ADGRB3: variants seen among roughly 807,000 people sequenced by gnomAD.
ADGRB3 encodes adhesion G protein-coupled receptor B3, also known as brain-specific angiogenesis inhibitor 3.
ADGRB3 carries 37 observed loss-of-function variants against 193.4 expected under a neutral mutation model. That is an observed-to-expected ratio of 0.19 (90% CI 0.15 to 0.25). The LOEUF is 0.25. Ranked by LOEUF, ADGRB3 falls within the 10% of genes least tolerant of loss-of-function variation. The pLI is 1.00. For synonymous variants in ADGRB3, 690 were observed against 644.2 expected (o/e 1.07, Z -1.08); for missense variants, 1,637 against 1,852.9 (o/e 0.88, Z 2.14).
At chr6:69,002,815 A>G (rs16900411) in intron 11 of ADGRB3, among the ~76,000 whole-genome samples, 4,302 of 152,288 alleles carry the variant, frequency 0.028, 64 homozygotes, top group Non-Finnish European at 0.033. Flanking sequence ...TTGGAATTAC[A>G]GTACAACTCT....
chr6:69,085,804 T>C (rs1172196578), intron 17 of ADGRB3, among the ~76,000 whole-genome samples: 1 of 151,728 alleles, frequency 6.6e-6, no homozygotes, highest in Non-Finnish European at 1.5e-5. Context: ...TCTCCTAAAA[T>C]TCTTACTAAT....
At chr6:68,828,816 T>A (rs1767897376) in intron 3 of ADGRB3, among the ~76,000 whole-genome samples, 1 of 152,180 alleles carries the variant, frequency 6.6e-6, no homozygotes, top group Non-Finnish European at 1.5e-5. Context: ...GGGTTTTAAA[T>A]CATATAGACC....
intron 3 of ADGRB3, among the ~76,000 whole-genome samples, chr6:68,703,687 A>G (rs751433802): frequency 5.3e-4 from 80 of 152,238 alleles, no homozygotes; most frequent in Non-Finnish European, 9.7e-4. Context: ...CAGTGGCGCA[A>G]TCTCAGCTCA....
chr6:69,115,869 A>T (rs765859143), intron 17 of ADGRB3, among the ~76,000 whole-genome samples: 5 of 152,224 alleles, frequency 3.3e-5, no homozygotes, highest in Admixed American at 2.0e-4. Context: ...AAAGAAAATT[A>T]TACAAATGTT....
intron 3 of ADGRB3, among the ~76,000 whole-genome samples, chr6:68,814,339 G>C (rs1052864385): frequency 2.4e-4 from 36 of 152,200 alleles, no homozygotes; most frequent in African/African-American, 8.4e-4. Flanking sequence ...GTGTCTTTTG[G>C]CTGCATAAAT....
intron 17 of ADGRB3, among the ~76,000 whole-genome samples, chr6:69,077,171 C>A (rs1266251071): frequency 6.6e-6 from 1 of 152,014 alleles, no homozygotes; most frequent in East Asian, 1.9e-4. Flanking sequence ...GATAGCCTTA[C>A]TGATGTCATT....
chr6:68,655,279 AAAC>A (rs1459897723), intron 3 of ADGRB3, among the ~76,000 whole-genome samples: 2 of 151,540 alleles, frequency 1.3e-5, no homozygotes, highest in Non-Finnish European at 3.0e-5. Context: ...ACACTTCTCT[AAAC>A]ATCAGGGTTT....
intron 17 of ADGRB3, among the ~76,000 whole-genome samples, chr6:69,091,580 G>A (rs989535752): frequency 5.3e-5 from 8 of 152,150 alleles, no homozygotes; most frequent in African/African-American, 1.7e-4. Flanking sequence ...CTAAGTGGGA[G>A]CTAAAGGATT....
At chr6:69,141,129 G>T (rs546149730) in intron 17 of ADGRB3, among the ~76,000 whole-genome samples, 1,423 of 86,842 alleles carry the variant, frequency 0.016, 47 homozygotes, top group African/African-American at 0.044. Context: ...CTTTTTTTTT[G>T]GGGGGGGCGG....
At chr6:69,297,821 A>T (rs1767862714) in intron 20 of ADGRB3, among the ~76,000 whole-genome samples, 1 of 152,054 alleles carries the variant, frequency 6.6e-6, no homozygotes, top group South Asian at 2.1e-4. Flanking sequence ...TTTAAAATTG[A>T]TCTCTCTCCA....
At chr6:69,097,707 T>C (rs1772922813) in intron 17 of ADGRB3, among the ~76,000 whole-genome samples, 1 of 152,094 alleles carries the variant, frequency 6.6e-6, no homozygotes, top group Admixed American at 6.6e-5. Context: ...TGTGTGTGTG[T>C]GTGTGTGTAT....
intron 3 of ADGRB3, among the ~76,000 whole-genome samples, chr6:68,890,370 C>T (rs1223528744): frequency 6.6e-6 from 1 of 152,136 alleles, no homozygotes; most frequent in Non-Finnish European, 1.5e-5. Flanking sequence ...AAGAGCAATC[C>T]ATCTGAGGGA....
At chr6:68,804,690 A>T (rs1195070873) in intron 3 of ADGRB3, among the ~76,000 whole-genome samples, 1 of 152,156 alleles carries the variant, frequency 6.6e-6, no homozygotes, top group Non-Finnish European at 1.5e-5. Flanking sequence ...TTATTTTTGC[A>T]ATTTAAATGT....
At chr6:69,115,038 G>A (rs183123624) in intron 17 of ADGRB3, among the ~76,000 whole-genome samples, 14 of 152,230 alleles carry the variant, frequency 9.2e-5, no homozygotes, top group East Asian at 7.7e-4. Flanking sequence ...ACAGTGTGGC[G>A]ATTCCTCAGG....
At chr6:68,857,312 CCTGAAAAAG>C (rs1399684303) in intron 3 of ADGRB3, among the ~76,000 whole-genome samples, 1 of 152,148 alleles carries the variant, frequency 6.6e-6, no homozygotes, top group African/African-American at 2.4e-5. Context: ...GCATTGTGCA[CCTGAAAAAG>C]CTGCAGACAC....
chr6:69,296,419 C>A (rs1767818850), intron 20 of ADGRB3, among the ~76,000 whole-genome samples: 1 of 152,094 alleles, frequency 6.6e-6, no homozygotes. Flanking sequence ...CCCTATCTCC[C>A]AAATGCATAT....
chr6:68,947,388 A>G (rs1767801236), intron 6 of ADGRB3, among the ~76,000 whole-genome samples: 1 of 152,088 alleles, frequency 6.6e-6, no homozygotes, highest in Admixed American at 6.6e-5. Context: ...TCAATTAATA[A>G]TTTACATATT....
chr6:68,742,948 A>AT (rs1459048109), intron 3 of ADGRB3, among the ~76,000 whole-genome samples: 1 of 151,696 alleles, frequency 6.6e-6, no homozygotes, highest in Non-Finnish European at 1.5e-5. Context: ...TTAAGCAACT[A>AT]TTTTTTCACC....
chr6:68,993,646 C>G, intron 10 of ADGRB3, 122 bp from the exon 11 acceptor site: 1 of 999,972 alleles, frequency 1.0e-6, no homozygotes, highest in Non-Finnish European at 1.5e-6. Context: ...TCAAATCCTC[C>G]CAAGCATTGC....
Sources: gnomAD v4.1 joint callset for allele counts (sites outside exome capture counted in the v4.1 genomes callset) on GRCh38, gnomAD v4.1.1 for gene constraint, MANE v1.5 for transcripts, NCBI Gene and HGNC (gene_info 2026-07-23, HGNC 2026-07-21) for gene names.